PAGE2B: variants seen among roughly 807,000 people sequenced by gnomAD.
PAGE2B encodes the protein PAGE family member 2B.
PAGE2B carries 5 observed loss-of-function variants against 7.6 expected under a neutral mutation model. The observed-to-expected ratio is 0.66, with a 90% confidence interval of 0.34 to 1.38. PAGE2B has a LOEUF of 1.38. Among genes scored for constraint, PAGE2B ranks in the 40% most tolerant of loss-of-function variants. The pLI is 0.04. For missense variants in PAGE2B, 70 were observed against 78.4 expected (o/e 0.89, Z 0.41); for synonymous variants, 29 against 26.7 (o/e 1.09, Z -0.27).
chrX:55,042,648 C>T, the PAGE2B span, among the ~76,000 whole-genome samples: 15 of 44,474 alleles, frequency 3.4e-4, no homozygotes, highest in African/African-American at 1.5e-3. Flanking sequence ...AGCGAGACTC[C>T]GTCTCAAAAA....
At chrX:55,049,201 G>A in the PAGE2B span, among the ~76,000 whole-genome samples, 20 of 110,113 alleles carry the variant, frequency 1.8e-4, no homozygotes, top group African/African-American at 6.0e-4. Context: ...TGCTGGATTC[G>A]GTTTGCCAGT....
chrX:55,043,711 C>A, the PAGE2B span, among the ~76,000 whole-genome samples: 1 of 110,859 alleles, frequency 9.0e-6, no homozygotes. Flanking sequence ...CTCTTGCCTG[C>A]AATCCCAGCT....
At chrX:55,033,764 C>T in the PAGE2B span, among the ~76,000 whole-genome samples, 1 of 112,220 alleles carries the variant, frequency 8.9e-6, no homozygotes, top group African/African-American at 3.2e-5. Context: ...CAACTTTTTA[C>T]TTTGCAGTTG....
chrX:55,034,616 C>T, the PAGE2B span, among the ~76,000 whole-genome samples: 2 of 109,151 alleles, frequency 1.8e-5, no homozygotes, highest in Non-Finnish European at 3.8e-5. Context: ...ATGTCAGGCT[C>T]ATACTCTTCC....
At chrX:55,048,759 A>C in the PAGE2B span, among the ~76,000 whole-genome samples, 465 of 111,723 alleles carry the variant, frequency 4.2e-3, 4 homozygotes, top group African/African-American at 0.015. Flanking sequence ...AAACAAGGAC[A>C]ACTTGACTTC....
At chrX:55,038,186 A>T in the PAGE2B span, among the ~76,000 whole-genome samples, 3 of 111,421 alleles carry the variant, frequency 2.7e-5, no homozygotes, top group Non-Finnish European at 5.7e-5. Flanking sequence ...AAAAAAGCTT[A>T]TCCAATTCTG....
At chrX:55,032,184 A>G in the PAGE2B span, among the ~76,000 whole-genome samples, 1 of 111,535 alleles carries the variant, frequency 9.0e-6, no homozygotes, top group East Asian at 2.8e-4. Flanking sequence ...AAGGTAATAG[A>G]CATTTAAAGT....
At chrX:55,051,278 T>C in the PAGE2B span, among the ~76,000 whole-genome samples, 1 of 111,078 alleles carries the variant, frequency 9.0e-6, no homozygotes, top group South Asian at 3.8e-4. Context: ...AATCTGACAA[T>C]TATGTGTCTT....
the PAGE2B span, among the ~76,000 whole-genome samples, chrX:55,038,383 A>G: frequency 8.9e-6 from 1 of 112,271 alleles, no homozygotes; most frequent in Non-Finnish European, 1.9e-5. Context: ...GATTAAAAAC[A>G]TCACTGGACT....
chrX:55,071,374 GC>G (rs1936447590), upstream of PAGE2B, among the ~76,000 whole-genome samples: 1 of 111,178 alleles, frequency 9.0e-6, no homozygotes, highest in South Asian at 3.8e-4. Context: ...TTGAATATTG[GC>G]CCCCACTCTC....
the PAGE2B span, among the ~76,000 whole-genome samples, chrX:55,036,583 G>A: frequency 8.1e-5 from 9 of 111,193 alleles, no homozygotes; most frequent in South Asian, 3.8e-4. Context: ...AAAAGAGCCC[G>A]CATTGCCAAG....
the PAGE2B span, among the ~76,000 whole-genome samples, chrX:55,054,141 G>A: frequency 4.5e-5 from 5 of 110,607 alleles, no homozygotes; most frequent in South Asian, 3.9e-4. Context: ...CCTGGGAGGC[G>A]GAGGTTGCAG....
intron 1 of PAGE2B, among the ~76,000 whole-genome samples, chrX:55,075,702 A>G (rs1220696341): frequency 9.0e-6 from 1 of 111,624 alleles, no homozygotes; most frequent in Non-Finnish European, 1.9e-5. Context: ...TCAGAGTGGG[A>G]CAAAAGCAGT....
At chrX:55,076,758 G>A (rs1183389267) in intron 3 of PAGE2B, 81 bp downstream of exon 3, 1 of 654,052 alleles carries the variant, frequency 1.5e-6, no homozygotes, top group Non-Finnish European at 2.3e-6. Flanking sequence ...CCAGTAACAG[G>A]AGGACAGAAA....
At chrX:55,072,952 T>G (rs1345168546), upstream of PAGE2B, among the ~76,000 whole-genome samples, 2 of 111,591 alleles carry the variant, frequency 1.8e-5, no homozygotes, top group African/African-American at 6.5e-5. Flanking sequence ...GACATCAGAC[T>G]GCTGGGCTGG....
the PAGE2B span, among the ~76,000 whole-genome samples, chrX:55,061,713 G>A: frequency 1.8e-5 from 2 of 110,495 alleles, no homozygotes; most frequent in African/African-American, 3.3e-5. Flanking sequence ...ATATTTTTGC[G>A]CCCATTAACC....
the PAGE2B span, among the ~76,000 whole-genome samples, chrX:55,061,198 C>A: frequency 9.0e-6 from 1 of 110,744 alleles, no homozygotes; most frequent in Non-Finnish European, 1.9e-5. Flanking sequence ...CATATGATTT[C>A]TTTTAAAATA....
At chrX:55,041,078 C>CTTT in the PAGE2B span, among the ~76,000 whole-genome samples, 44 of 82,104 alleles carry the variant, frequency 5.4e-4, no homozygotes, top group East Asian at 1.1e-3. Context: ...TTCAATAATT[C>CTTT]TTTTTTTTTT....
the PAGE2B span, among the ~76,000 whole-genome samples, chrX:55,037,971 C>T: frequency 2.8e-5 from 3 of 107,870 alleles, no homozygotes; most frequent in Non-Finnish European, 5.8e-5. Flanking sequence ...TTAATGGGTG[C>T]AGCACACCAA....
Sources: allele counts gnomAD v4.1 joint callset (sites outside exome capture counted in the v4.1 genomes callset), GRCh38; gene constraint gnomAD v4.1.1; transcripts MANE v1.5; gene names NCBI Gene and HGNC (gene_info 2026-07-23, HGNC 2026-07-21).